The following PTPRU variants were observed in gnomAD, a reference collection of about 807,000 sequenced individuals.
PTPRU encodes receptor-type tyrosine-protein phosphatase U.
A neutral mutation model predicts 166.3 loss-of-function variants in PTPRU; 69 were observed. That is an observed-to-expected ratio of 0.41 (90% confidence interval 0.34 to 0.51). The LOEUF is 0.51. Ranked by LOEUF, PTPRU falls within the 20% of genes least tolerant of loss-of-function variation. The pLI, the probability that PTPRU is intolerant of heterozygous loss-of-function variation, is 0.09. For synonymous variants in PTPRU, 793 were observed against 814.0 expected (o/e 0.97, Z 0.44); for missense variants, 1,657 against 2,013.7 (o/e 0.82, Z 3.39).
At position 29,325,690 on chromosome 1, in the gene PTPRU, A is replaced by G. The variant is rs758036769; in HGVS notation, c.*29A>G. The G allele has an allele frequency of 7.0e-6, 11 of 1,561,606 alleles. No individual in the cohort carries two copies. Among genetic ancestry groups the G allele is most frequent in the Non-Finnish European group, 8.7e-6 (10 of 1,143,194 alleles). Reference sequence around the variant, plus strand: ...GGCCCTGGCCTGGGGCACCCACTGCACACTCAGGGCCAGACCCACCATCCT... The same window carrying G: ...GGCCCTGGCCTGGGGCACCCACTGCGCACTCAGGGCCAGACCCACCATCCT... On this transcript the variant is annotated 3_prime_UTR_variant, in exon 30 of 30. Coordinates refer to ENST00000373779, the MANE Select transcript of PTPRU (RefSeq NM_133178.4).
intron 25 of PTPRU, among the ~76,000 whole-genome samples, chr1:29,319,236 C>T (rs1688039152): frequency 6.6e-6 from 1 of 152,316 alleles, no homozygotes; most frequent in East Asian, 1.9e-4. Flanking sequence ...TTGAACTAAA[C>T]TTAGGAAGCT....
rs1434119350 is a variant in PTPRU at position 29,280,194 on chromosome 1, C to G, written c.1868+53C>G. ...AGTCCAGGGCCTTAGGAAAGAGGCC[C>G]CTCCTCTGACCCAGAGCCCCATCCC... On this transcript the variant is annotated intron_variant, in intron 11 of 29. Transcript: ENST00000373779. This position sits in a 1 kb window ranked among gnomAD's most constrained non-coding sequence, Gnocchi z 4.2. 6.7e-7 allele frequency: 1 copy of G among 1,503,066 alleles called. No homozygotes were observed. The highest frequency in any genetic ancestry group is 9.2e-7 in the Non-Finnish European group (1 of 1,086,820). The allele number at this position is 1,503,066 out of a possible 1,614,324, so 93.1% of individuals were successfully genotyped here.
chr1:29,239,460 G>T (rs1251145979), intron 1 of PTPRU, among the ~76,000 whole-genome samples: 1 of 152,194 alleles, frequency 6.6e-6, no homozygotes, highest in Non-Finnish European at 1.5e-5. Flanking sequence ...GGGGCTAGGG[G>T]AGGGGACTTA....
intron 15 of PTPRU, among the ~76,000 whole-genome samples, chr1:29,301,697 T>A (rs563721016): frequency 1.3e-5 from 2 of 152,310 alleles, no homozygotes; most frequent in South Asian, 4.1e-4. Flanking sequence ...ACTTGTCATT[T>A]ACATTAGGTA....
Position 29,238,976 on chromosome 1 carries a change from TGTAAA to T in PTPRU, c.73+2264_73+2268del, listed in dbSNP as rs1683914002. ...CACTTTTGGTAGATACCAAGTACCT[TGTAAA>T]GTAAGGCTCTGTCTGTGAGTGCCAG... On this transcript the variant is annotated intron_variant, in intron 1 of 29. Coordinates refer to ENST00000373779, the MANE Select transcript of PTPRU (RefSeq NM_133178.4). This position sits in a 1 kb window ranked among gnomAD's most constrained non-coding sequence, Gnocchi z 6.1. 6.6e-6 allele frequency among the ~76,000 whole-genome samples: 1 copy of T among 152,178 alleles called. No homozygotes were observed. The highest frequency in any genetic ancestry group is 2.4e-5 in the African/African-American group (1 of 41,440).
In PTPRU at chr1:29,320,681, G is replaced by A; in HGVS notation, c.3688-4G>A. The A allele has an allele frequency of 6.4e-7, 1 of 1,572,642 alleles. No homozygotes were observed. Among genetic ancestry groups the A allele is most frequent in the African/African-American group, 1.3e-5 (1 of 74,152 alleles). ...GGCCCTGCTGAGTTCCGGTTTCCCT[G>A]CAGAGCTACACACGGAGTGCGGCCT... On this transcript the variant is annotated splice_region_variant and splice_polypyrimidine_tract_variant and intron_variant, in intron 25 of 29. Coordinates refer to ENST00000373779, the MANE Select transcript of PTPRU (RefSeq NM_133178.4). The surrounding 1 kb of genome is among the most constrained non-coding windows in gnomAD (Gnocchi z 5.2).
intron 7 of PTPRU, among the ~76,000 whole-genome samples, chr1:29,274,759 A>G (rs1048042881): frequency 6.6e-6 from 1 of 152,186 alleles, no homozygotes; most frequent in Admixed American, 6.5e-5. Context: ...GCTATTAAAA[A>G]TAAATTATTG....
rs1424291805 is a variant in PTPRU at position 29,272,916 on chromosome 1, A to AAG, written c.1145-2531_1145-2530insGA. Among the ~76,000 whole-genome samples, 10 of 149,968 alleles carry AAG rather than the reference A, an allele frequency of 6.7e-5. No homozygotes were observed. In the East Asian group the frequency reaches 1.9e-3, roughly 29 times the overall value. On this transcript the variant is annotated intron_variant, in intron 7 of 29. Coordinates refer to ENST00000373779, the MANE Select transcript of PTPRU (RefSeq NM_133178.4). ...AGCAAGACCTTGTCTCAAAAAAAAA[A>AAG]AAAAAAAAAAAGAAAAAAAAATGCT...
At chr1:29,298,408 C>T (rs1239291529) in intron 15 of PTPRU, among the ~76,000 whole-genome samples, 1 of 152,120 alleles carries the variant, frequency 6.6e-6, no homozygotes, top group Non-Finnish European at 1.5e-5. Context: ...ACAGTGGAGG[C>T]CAGGTTTTTG....
intron 1 of PTPRU, among the ~76,000 whole-genome samples, chr1:29,246,095 A>G (rs906685246): frequency 2.0e-5 from 3 of 152,266 alleles, no homozygotes; most frequent in Admixed American, 6.5e-5. Flanking sequence ...GTTTCTGGGC[A>G]TGGCCCCTCT....
intron 15 of PTPRU, among the ~76,000 whole-genome samples, chr1:29,303,570 G>C (rs1687238714): frequency 6.6e-6 from 1 of 152,344 alleles, no homozygotes; most frequent in Admixed American, 6.5e-5. Flanking sequence ...AGCCTCGCTG[G>C]ATAGAGTGAG....
At chr1:29,264,418 GTTT>G (rs1355049875) in intron 7 of PTPRU, among the ~76,000 whole-genome samples, 1 of 151,142 alleles carries the variant, frequency 6.6e-6, no homozygotes, top group African/African-American at 2.4e-5. Context: ...TTTTCTAATA[GTTT>G]TATAGTGTCA....
Position 29,289,645 on chromosome 1 carries a change from G to A in PTPRU, c.2319-2224G>A, listed in dbSNP as rs748241902. On this transcript the variant is annotated intron_variant, in intron 14 of 29. Coordinates refer to ENST00000373779, the MANE Select transcript of PTPRU (RefSeq NM_133178.4). The stretch of plus-strand genomic sequence containing the variant: ...AGCCCGGCCTTGGTGGACGGACCTC[G>A]GACACAACTGTGCTGTTCTCTCTTT... 5.3e-5 allele frequency: 86 copies of A among 1,613,422 alleles called. No homozygotes were observed. The East Asian group carries it at 1.3e-3, about 25-fold the overall frequency.
Position 29,311,464 on chromosome 1 carries a change from C to T in PTPRU, c.2866C>T (p.Pro956Ser). ...NHFIATQGPK[P>S]EMVYDFWRMV... ...TCTGCCTGCATCCCCAGGGCCGAAGCCTGAGATGGTCTATGACTTCTGGCG... is the reference window on the plus strand; with the variant it reads ...TCTGCCTGCATCCCCAGGGCCGAAGTCTGAGATGGTCTATGACTTCTGGCG... The change falls in exon 20 of 30, where the codon CCT becomes TCT. Residue 956 changes from proline to serine, a missense_variant. Pro to Ser is a moderately conservative substitution (Grantham distance 74, BLOSUM62 -1). Around this residue, in one of 3 missense-constraint regions of PTPRU, gnomAD observed 1,190 missense variants for 1,477.4 expected, o/e 0.81. Coordinates refer to ENST00000373779, the MANE Select transcript of PTPRU (RefSeq NM_133178.4). This position sits in a 1 kb window ranked among gnomAD's most constrained non-coding sequence, Gnocchi z 4.1. 6.2e-7 allele frequency: 1 copy of T among 1,614,166 alleles called. No individual in the cohort carries two copies. The highest frequency in any genetic ancestry group is 8.5e-7 in the Non-Finnish European group (1 of 1,180,042).
In PTPRU at chr1:29,260,917, C is replaced by A; in HGVS notation, c.1144+14C>A. ...CCAAATGCGCAGGTGGGTGCAGCAG[C>A]TACCCCTGGCCTCAGTCTCTGGTGG... On this transcript the variant is annotated intron_variant, in intron 7 of 29. Coordinates refer to ENST00000373779, the MANE Select transcript of PTPRU (RefSeq NM_133178.4). The surrounding 1 kb of genome is among the most constrained non-coding windows in gnomAD (Gnocchi z 8.3). 1 of 1,529,944 alleles carries A rather than the reference C, an allele frequency of 6.5e-7. No individual in the cohort carries two copies. Among genetic ancestry groups the A allele is most frequent in the Non-Finnish European group, 8.7e-7 (1 of 1,142,994 alleles). 94.8% of individuals were successfully genotyped at this position (1,529,944 alleles called of 1,614,324 possible).
rs1192355913 is a variant in PTPRU, at chr1:29,237,915, G to A, written c.73+1198G>A. ...TCCCCGGGCTGGGCTGCGACGTCCG[G>A]GCGCGGGCAGGGCCTGGCTCGCCGC... On this transcript the variant is annotated intron_variant, in intron 1 of 29. Transcript: ENST00000373779. The surrounding 1 kb of genome is among the most constrained non-coding windows in gnomAD (Gnocchi z 6.4). 2.7e-5 allele frequency among the ~76,000 whole-genome samples: 4 copies of A among 148,852 alleles called. No homozygotes were observed. Among genetic ancestry groups the A allele is most frequent in the South Asian group, 2.1e-4 (1 of 4,824 alleles).
chr1:29,324,167 C>CCCAT (rs373968731), intron 28 of PTPRU, among the ~76,000 whole-genome samples: 35 of 152,186 alleles, frequency 2.3e-4, no homozygotes, highest in East Asian at 7.7e-4. Flanking sequence ...CATCCATCCA[C>CCCAT]CCATCCATCC....
intron 1 of PTPRU, among the ~76,000 whole-genome samples, chr1:29,245,966 C>T (rs745957737): frequency 1.3e-5 from 2 of 152,250 alleles, no homozygotes; most frequent in Admixed American, 6.5e-5. Flanking sequence ...AGCACTGCAC[C>T]GTGCCAACAG....
At chr1:29,319,652 G>A (rs1232618297) in intron 25 of PTPRU, among the ~76,000 whole-genome samples, 3 of 152,242 alleles carry the variant, frequency 2.0e-5, no homozygotes, top group African/African-American at 4.8e-5. Context: ...ATCGCTGGGG[G>A]ACCAGGGGGG....
Sources: allele counts gnomAD v4.1 joint callset (sites outside exome capture counted in the v4.1 genomes callset), GRCh38; gene constraint gnomAD v4.1.1; regional missense constraint gnomAD v4.1.1; non-coding constraint Gnocchi (gnomAD v3.1); transcripts MANE v1.5; gene names NCBI Gene and HGNC (gene_info 2026-07-23, HGNC 2026-07-21).